Variants in LRRTM3 observed in about 807,000 individuals in gnomAD.
LRRTM3 encodes leucine rich repeat transmembrane neuronal 3, also known as leucine-rich repeat transmembrane neuronal protein 3.
Under a neutral mutation model 44.7 loss-of-function variants are expected in LRRTM3, and 24 were observed. The ratio of observed to expected loss-of-function variants is 0.54; its 90% confidence interval spans 0.39 to 0.76. LRRTM3 has a LOEUF of 0.76. Among genes scored for constraint, LRRTM3 ranks in the 30% least tolerant of loss-of-function variants. LRRTM3 has a pLI of 0.00. For synonymous variants in LRRTM3, 277 were observed against 278.7 expected, an observed-to-expected ratio of 0.99 and a Z score of 0.06; for missense variants, 587 against 702.2, an observed-to-expected ratio of 0.84 and a Z score of 1.85.
At chr10:67,038,780 G>A (rs545338451) in intron 2 of LRRTM3, among the ~76,000 whole-genome samples, 3 of 152,112 alleles carry the variant, frequency 2.0e-5, no homozygotes, top group South Asian at 4.1e-4. Flanking sequence ...TTTTTTAAAT[G>A]TCTCTCTTTA....
chr10:66,965,772 A>C (rs1016369832), intron 2 of LRRTM3, among the ~76,000 whole-genome samples: 1 of 152,096 alleles, frequency 6.6e-6, no homozygotes, highest in African/African-American at 2.4e-5. Context: ...TATGTTTCAA[A>C]GGATACTTGA....
intron 2 of LRRTM3, among the ~76,000 whole-genome samples, chr10:66,937,489 C>T (rs890234494): frequency 1.3e-5 from 2 of 152,112 alleles, no homozygotes; most frequent in Admixed American, 6.6e-5. Flanking sequence ...TACCACAATG[C>T]GCTTTGAAAG....
chr10:67,097,472 A>C, intron 2 of LRRTM3, 115 bp from the exon 3 acceptor site: 1 of 842,760 alleles, frequency 1.2e-6, no homozygotes, highest in Non-Finnish European at 1.9e-6. Flanking sequence ...CCTGGGCCAC[A>C]GGGCCACAGA....
chr10:66,998,006 G>A (rs1253116268), intron 2 of LRRTM3, among the ~76,000 whole-genome samples: 2 of 152,074 alleles, frequency 1.3e-5, no homozygotes, highest in Admixed American at 6.6e-5. Context: ...TTTTCTAACT[G>A]GCCTCCCTGC....
chr10:66,957,363 A>G (rs1413980326), intron 2 of LRRTM3, among the ~76,000 whole-genome samples: 2 of 147,390 alleles, frequency 1.4e-5, no homozygotes, highest in Non-Finnish European at 3.0e-5. Flanking sequence ...TAGAAGAAAT[A>G]TATCCAGAAT....
intron 2 of LRRTM3, among the ~76,000 whole-genome samples, chr10:67,032,164 A>G (rs1206636300): frequency 1.3e-5 from 2 of 152,156 alleles, no homozygotes; most frequent in South Asian, 2.1e-4. Flanking sequence ...GAAAAAATAT[A>G]CAACTTGCCC....
chr10:67,094,561 C>A (rs1857849905), intron 2 of LRRTM3, among the ~76,000 whole-genome samples: 1 of 151,692 alleles, frequency 6.6e-6, no homozygotes. Context: ...TTCATATTGT[C>A]AAGCATGGTG....
chr10:67,022,694 T>C (rs2133078776), intron 2 of LRRTM3, among the ~76,000 whole-genome samples: 1 of 152,228 alleles, frequency 6.6e-6, no homozygotes, highest in South Asian at 2.1e-4. Flanking sequence ...TCCCAGCATT[T>C]TGGGAGGCCG....
At chr10:67,014,670 C>A (rs1852546544) in intron 2 of LRRTM3, among the ~76,000 whole-genome samples, 1 of 151,782 alleles carries the variant, frequency 6.6e-6, no homozygotes, top group African/African-American at 2.4e-5. Flanking sequence ...AAAAGAATGA[C>A]TATTCTTTCA....
intron 2 of LRRTM3, among the ~76,000 whole-genome samples, chr10:67,040,997 G>T (rs1404600977): frequency 6.6e-6 from 1 of 151,838 alleles, no homozygotes; most frequent in Admixed American, 6.6e-5. Context: ...CTTTTTTTTA[G>T]ATTTAGAAAT....
At chr10:66,998,824 G>A (rs1851516493) in intron 2 of LRRTM3, among the ~76,000 whole-genome samples, 1 of 152,026 alleles carries the variant, frequency 6.6e-6, no homozygotes, top group Admixed American at 6.6e-5. Context: ...GTGGATTGTG[G>A]GAGATACAAA....
chr10:66,979,982 G>A lies in LRRTM3; in HGVS notation c.1536+51530G>A, dbSNP rs1376830442. 2.6e-5 allele frequency among the ~76,000 whole-genome samples: 4 copies of A among 152,234 alleles called. No individual in the cohort carries two copies. The East Asian group carries it at 7.7e-4, about 29-fold the overall frequency. On this transcript the variant is annotated intron_variant, in intron 2 of 2. Transcript: ENST00000361320. Reference sequence around the variant, plus strand: ...GGTTCCATCAAGTTTTTATTCTTTTGTGTTCAAAAGAAGAGGAAGGAAAAC... The same window carrying A: ...GGTTCCATCAAGTTTTTATTCTTTTATGTTCAAAAGAAGAGGAAGGAAAAC...
At chr10:66,955,906 C>T (rs1848765956) in intron 2 of LRRTM3, among the ~76,000 whole-genome samples, 1 of 152,072 alleles carries the variant, frequency 6.6e-6, no homozygotes. Context: ...TCTAGTGACG[C>T]TACAACATGG....
rs201183729 is a variant in LRRTM3, at chr10:66,931,500, ACTAC to A, written c.1536+3052_1536+3055del. The stretch of plus-strand genomic sequence containing the variant: ...ATTTTTTACTTGATTTGGTGAGTGA[ACTAC>A]CTAAGTAGACAGGCAGTAAATTGTC... On this transcript the variant is annotated intron_variant, in intron 2 of 2. Coordinates refer to ENST00000361320, the MANE Select transcript of LRRTM3 (RefSeq NM_178011.5). Among the ~76,000 whole-genome samples the A allele has an allele frequency of 5.8e-3, 891 of 152,308 alleles. 6 individuals carry two copies. The highest frequency in any genetic ancestry group is 0.02 in the African/African-American group (834 of 41,566).
At chr10:66,994,266 C>A (rs561351466) in intron 2 of LRRTM3, among the ~76,000 whole-genome samples, 1 of 152,246 alleles carries the variant, frequency 6.6e-6, no homozygotes, top group East Asian at 1.9e-4. Context: ...AAAATGCTCT[C>A]CAAGCTTTAT....
chr10:67,082,480 G>A (rs1200055328), intron 2 of LRRTM3, among the ~76,000 whole-genome samples: 1 of 152,090 alleles, frequency 6.6e-6, no homozygotes, highest in Admixed American at 6.6e-5. Flanking sequence ...ATTTTGCAAA[G>A]GGCTATACTT....
At chr10:66,996,379 C>T (rs1459179251) in intron 2 of LRRTM3, among the ~76,000 whole-genome samples, 2 of 152,134 alleles carry the variant, frequency 1.3e-5, no homozygotes, top group East Asian at 3.9e-4. Flanking sequence ...GGTGCAATGG[C>T]TCACGCCTGT....
intron 2 of LRRTM3, among the ~76,000 whole-genome samples, chr10:67,025,622 T>A (rs1424184871): frequency 1.3e-5 from 2 of 152,182 alleles, no homozygotes. Context: ...GGAAGAATAT[T>A]TTTAAAATCT....
At chr10:67,019,250 G>A (rs143413535) in intron 2 of LRRTM3, among the ~76,000 whole-genome samples, 1 of 151,774 alleles carries the variant, frequency 6.6e-6, no homozygotes, top group Non-Finnish European at 1.5e-5. Context: ...ACGTAGTCTC[G>A]CTCTGTTGCC....
Sources: allele counts gnomAD v4.1 joint callset (sites outside exome capture counted in the v4.1 genomes callset), GRCh38; gene constraint gnomAD v4.1.1; transcripts MANE v1.5; gene names NCBI Gene and HGNC (gene_info 2026-07-23, HGNC 2026-07-21).